MAP4K4: variants seen among roughly 807,000 people sequenced by gnomAD.
The protein encoded by MAP4K4 is HPK/GCK-like kinase HGK.
MAP4K4 carries 38 observed loss-of-function variants against 189.6 expected under a neutral mutation model. The ratio of observed to expected loss-of-function variants is 0.20; its 90% CI spans 0.15 to 0.26. MAP4K4 has a LOEUF of 0.26. MAP4K4 is among the 10% of genes least tolerant of loss of function. The pLI is 1.00. For missense variants in MAP4K4, 1,054 were observed against 1,726.9 expected (o/e 0.61, Z 6.91); for synonymous variants, 610 against 624.3 (o/e 0.98, Z 0.34).
chr2:101,698,363 G>A, intron 1 of MAP4K4, 110 bp from the exon 2 acceptor site: 3 of 1,095,004 alleles, frequency 2.7e-6, no homozygotes, highest in East Asian at 2.4e-5. Flanking sequence ...GACCGCGCGG[G>A]GCGAAGCCCA....
At chr2:101,791,274 G>A (rs1029481185) in intron 3 of MAP4K4, among the ~76,000 whole-genome samples, 2 of 152,070 alleles carry the variant, frequency 1.3e-5, no homozygotes, top group Non-Finnish European at 2.9e-5. Context: ...CAGATTGTTG[G>A]CAAAATTTAG....
At chr2:101,806,149 A>T (rs775573437) in intron 3 of MAP4K4, among the ~76,000 whole-genome samples, 62 of 152,136 alleles carry the variant, frequency 4.1e-4, no homozygotes, top group Non-Finnish European at 7.2e-4. Flanking sequence ...TTTTAATGAG[A>T]AGGATGTTTT....
chr2:101,744,549 C>T (rs747659216), intron 2 of MAP4K4, among the ~76,000 whole-genome samples: 1 of 152,024 alleles, frequency 6.6e-6, no homozygotes, highest in Non-Finnish European at 1.5e-5. Context: ...TACCTTTTGA[C>T]CAGCACAAGA....
At chr2:101,873,656 G>T in exon 25 of MAP4K4, 1 of 1,589,370 alleles carries the variant, frequency 6.3e-7, no homozygotes, top group Non-Finnish European at 8.6e-7. Context: ...GACTCAGTCC[G>T]CTAGTAGCAC....
intron 2 of MAP4K4, among the ~76,000 whole-genome samples, chr2:101,731,700 G>T (rs183374321): frequency 2.0e-5 from 3 of 151,448 alleles, no homozygotes; most frequent in Non-Finnish European, 1.5e-5. Flanking sequence ...ACAGTGAGTC[G>T]TGTTGGTGCC....
intron 16 of MAP4K4, among the ~76,000 whole-genome samples, chr2:101,862,737 T>G (rs1253288901): frequency 6.6e-6 from 1 of 152,208 alleles, no homozygotes; most frequent in Non-Finnish European, 1.5e-5. Context: ...CAGGTAATAC[T>G]TTGAATTACA....
intron 2 of MAP4K4, among the ~76,000 whole-genome samples, chr2:101,760,331 A>T (rs966698350): frequency 6.6e-6 from 1 of 151,870 alleles, no homozygotes. Context: ...TCTACTAAAA[A>T]TACAAAAATT....
intron 2 of MAP4K4, among the ~76,000 whole-genome samples, chr2:101,782,972 C>T (rs1398578755): frequency 6.6e-6 from 1 of 152,034 alleles, no homozygotes; most frequent in African/African-American, 2.4e-5. Flanking sequence ...AAAGAGTGGT[C>T]AGTAGATTTC....
At chr2:101,788,803 A>G (rs1176052482) in intron 2 of MAP4K4, among the ~76,000 whole-genome samples, 1 of 152,212 alleles carries the variant, frequency 6.6e-6, no homozygotes, top group Non-Finnish European at 1.5e-5. Flanking sequence ...TCTTGAGTTC[A>G]GGCATAGAGG....
At position 101,867,245 on chromosome 2, in the gene MAP4K4, G is replaced by A. The variant is rs768378384; in HGVS notation, c.2390G>A (p.Arg797His). The A allele has an allele frequency of 7.5e-6, 12 of 1,606,324 alleles. No homozygotes were observed. Among genetic ancestry groups the A allele is most frequent in the South Asian group, 3.4e-5 (3 of 89,060 alleles). ...AAGTCTGAAGGCTCTCCATCTCAGC[G>A]CCTGGAAAATGCAGTGAAAAAACCT... The change falls in exon 20 of 33, where the codon CGC becomes CAC. Residue 797 changes from arginine (R) to histidine (H), a missense_variant. Physicochemically the swap from Arg to His is conservative, Grantham distance 29 (BLOSUM62 0). Transcript: ENST00000324219.
In MAP4K4 at chr2:101,887,186, T is replaced by C. The variant is rs1227124968; in HGVS notation, c.3720T>C (p.His1240=). Residue 1240 remains histidine, a synonymous_variant, in exon 30 of 33, where the codon CAT becomes CAC. Transcript: ENST00000324219. ...TCTATGGATCCTGTGCTGGATTCCA[T>C]GCTGTTGATGTGGATTCAGGATCAG... The C allele has an allele frequency of 3.1e-6, 5 of 1,612,918 alleles. No homozygotes were observed. In the Admixed American group the frequency reaches 5.0e-5, roughly 16 times the overall value.
chr2:101,881,304 A>AGT (rs922762490), intron 27 of MAP4K4, among the ~76,000 whole-genome samples: 1 of 152,176 alleles, frequency 6.6e-6, no homozygotes, highest in African/African-American at 2.4e-5. Flanking sequence ...AATACAGGAA[A>AGT]GTGACTCACT....
chr2:101,869,020 G>GT (rs1223056172), intron 21 of MAP4K4, among the ~76,000 whole-genome samples: 6 of 151,924 alleles, frequency 3.9e-5, no homozygotes, highest in Non-Finnish European at 8.8e-5. Context: ...GGGAAGTTAT[G>GT]TTTCTACAAC....
intron 6 of MAP4K4, among the ~76,000 whole-genome samples, chr2:101,830,155 C>T (rs1490538607): frequency 1.3e-5 from 2 of 151,972 alleles, no homozygotes; most frequent in African/African-American, 4.8e-5. Flanking sequence ...GGCCTTGCTG[C>T]TTGTTTCTTT....
chr2:101,886,186 T>A (rs2098477870), intron 29 of MAP4K4, among the ~76,000 whole-genome samples: 2 of 152,368 alleles, frequency 1.3e-5, no homozygotes, highest in Admixed American at 1.3e-4. Context: ...AGATCTGGCC[T>A]TAATATCCTT....
rs1201792524 is a variant in MAP4K4 at position 101,874,064 on chromosome 2, A to G, written c.3071-18A>G. The G allele has an allele frequency of 3.7e-6, 6 of 1,607,992 alleles. No individual in the cohort carries two copies. Among genetic ancestry groups the G allele is most frequent in the Non-Finnish European group, 4.3e-6 (5 of 1,176,344 alleles). On this transcript the variant is annotated intron_variant, in intron 25 of 32. Transcript: ENST00000324219. The stretch of plus-strand genomic sequence containing the variant: ...GTGTGTGTGTACAGAAAATAATTTC[A>G]AATATATTGTGTTTCAGTGGGATTT...
intron 2 of MAP4K4, among the ~76,000 whole-genome samples, chr2:101,781,509 G>A (rs569830295): frequency 6.6e-6 from 1 of 152,060 alleles, no homozygotes; most frequent in Non-Finnish European, 1.5e-5. Context: ...CCTTTTTGCT[G>A]CATCATAACG....
At chr2:101,720,323 G>A (rs1428301300) in intron 2 of MAP4K4, among the ~76,000 whole-genome samples, 2 of 151,432 alleles carry the variant, frequency 1.3e-5, no homozygotes, top group Admixed American at 1.3e-4. Context: ...ACAGGCGCCC[G>A]CCGCCACACC....
At chr2:101,835,032 A>G (rs2096707351) in intron 8 of MAP4K4, among the ~76,000 whole-genome samples, 1 of 152,250 alleles carries the variant, frequency 6.6e-6, no homozygotes, top group Non-Finnish European at 1.5e-5. Context: ...AGGTATACAC[A>G]AAGAATGTAT....
Sources: allele counts gnomAD v4.1 joint callset (sites outside exome capture counted in the v4.1 genomes callset), GRCh38; gene constraint gnomAD v4.1.1; transcripts MANE v1.5; gene names NCBI Gene and HGNC (gene_info 2026-07-23, HGNC 2026-07-21).